Variants in DGKH observed in about 807,000 individuals in gnomAD.
DGKH encodes diacylglycerol kinase eta, also known as DAG kinase eta.
In DGKH, 90 loss-of-function variants were observed where a neutral mutation model predicts 159.3. That is an observed-to-expected ratio of 0.57 (90% confidence interval 0.48 to 0.67). The LOEUF is 0.67. Ranked by LOEUF, DGKH falls within the 30% of genes least tolerant of loss-of-function variation. The pLI is 0.00. For missense variants in DGKH, 1,181 were observed against 1,506.1 expected (o/e 0.78, Z 3.57); for synonymous variants, 536 against 553.8 (o/e 0.97, Z 0.45).
At chr13:42,134,174 A>G (rs573805022) in intron 3 of DGKH, among the ~76,000 whole-genome samples, 1 of 152,328 alleles carries the variant, frequency 6.6e-6, no homozygotes, top group East Asian at 1.9e-4. Context: ...GGTTCTAGAG[A>G]TCAGGGCAGT....
intron 1 of DGKH, among the ~76,000 whole-genome samples, chr13:42,090,778 T>C (rs138498419): frequency 7.8e-4 from 118 of 152,190 alleles, no homozygotes; most frequent in African/African-American, 2.7e-3. Flanking sequence ...AAATTGCCAG[T>C]GTGAAGGTAT....
At chr13:42,104,603 T>C (rs1030736627) in intron 1 of DGKH, among the ~76,000 whole-genome samples, 4 of 152,220 alleles carry the variant, frequency 2.6e-5, no homozygotes, top group African/African-American at 7.2e-5. Context: ...GCTCATGTCC[T>C]GTTGGCCTAA....
chr13:42,109,667 T>C (rs9315888), intron 1 of DGKH, among the ~76,000 whole-genome samples: 3 of 148,298 alleles, frequency 2.0e-5, no homozygotes, highest in African/African-American at 5.1e-5. Context: ...CGTGCGTGTG[T>C]GTGCGTGTGT....
chr13:42,168,350 C>A, intron 9 of DGKH, 90 bp from the exon 10 acceptor site: 1 of 1,091,318 alleles, frequency 9.2e-7, no homozygotes, highest in South Asian at 1.7e-5. Context: ...TATATTTAAT[C>A]TGAATATGAA....
chr13:42,167,725 C>T (rs1037827058), intron 9 of DGKH, among the ~76,000 whole-genome samples: 1 of 152,150 alleles, frequency 6.6e-6, no homozygotes, highest in Non-Finnish European at 1.5e-5. Context: ...AGTTTTGTCC[C>T]CCTTTCTAAC....
At chr13:42,141,687 A>G (rs1402303763) in intron 3 of DGKH, among the ~76,000 whole-genome samples, 1 of 152,088 alleles carries the variant, frequency 6.6e-6, no homozygotes, top group Non-Finnish European at 1.5e-5. Context: ...TTTTGGCTGT[A>G]TAAATGTCTT....
At chr13:42,159,458 A>G (rs1566142705) in intron 6 of DGKH, 86 bp downstream of exon 6, 1 of 931,718 alleles carries the variant, frequency 1.1e-6, no homozygotes, top group Non-Finnish European at 1.7e-6. Flanking sequence ...GATAAGTAGG[A>G]ATGCTTATTA....
At chr13:42,228,104 T>G (rs1012919989) in intron 29 of DGKH, among the ~76,000 whole-genome samples, 12 of 152,184 alleles carry the variant, frequency 7.9e-5, no homozygotes, top group African/African-American at 2.7e-4. Flanking sequence ...TTTTAGTTTT[T>G]CAGACAGTGA....
chr13:42,044,299 TTTC>T (rs142607644), upstream of DGKH: 27,046 of 151,528 alleles, frequency 0.18, 2,534 homozygotes, highest in East Asian at 0.31. Flanking sequence ...TTTTTTTCTT[TTTC>T]TTCTTCTTTT....
intron 3 of DGKH, among the ~76,000 whole-genome samples, chr13:42,131,407 C>CAG (rs1955287593): frequency 6.6e-6 from 1 of 152,166 alleles, no homozygotes; most frequent in Non-Finnish European, 1.5e-5. Context: ...GTGTAGGAAT[C>CAG]AGAGCGCAGG....
intron 1 of DGKH, among the ~76,000 whole-genome samples, chr13:42,043,540 C>T (rs183522162): frequency 1.3e-5 from 2 of 151,974 alleles, no homozygotes; most frequent in Admixed American, 6.6e-5. Context: ...GGGATCTGCC[C>T]AGGCTGGTCT....
In DGKH at chr13:42,168,494, T is replaced by C. The variant is rs921091612; in HGVS notation, c.1173T>C (p.Asp391=). ...TCCGGATTCTTGTTTGTGGAGGCGA[T>C]GGAAGTGTAGGTTGGGTTTTGTCAG... is the stretch of plus-strand genomic sequence containing the variant. ...DNFRILVCGG[D]GSVGWVLSEI... The change falls in exon 10 of 30, where the codon GAT becomes GAC. Residue 391 remains aspartate, a synonymous_variant. Transcript: ENST00000337343. 2.5e-6 allele frequency: 4 copies of C among 1,614,210 alleles called. No individual in the cohort carries two copies. Among genetic ancestry groups the C allele is most frequent in the Non-Finnish European group, 3.4e-6 (4 of 1,180,018 alleles).
chr13:42,255,665 T>C (rs113848763), intron 30 of DGKH, among the ~76,000 whole-genome samples: 5 of 152,270 alleles, frequency 3.3e-5, no homozygotes, highest in South Asian at 2.1e-4. Flanking sequence ...GATGCTCATA[T>C]GAAAAAAGAA....
chr13:42,162,169 T>C (rs946708302), intron 7 of DGKH, among the ~76,000 whole-genome samples: 3 of 152,228 alleles, frequency 2.0e-5, no homozygotes, highest in Non-Finnish European at 4.4e-5. Flanking sequence ...AGTCTTGCAC[T>C]TCCTATACAC....
At chr13:42,090,318 C>G (rs1246459305) in intron 1 of DGKH, among the ~76,000 whole-genome samples, 5 of 152,158 alleles carry the variant, frequency 3.3e-5, no homozygotes, top group Admixed American at 2.6e-4. Context: ...GTTAAAATTT[C>G]AGTACTCTCC....
At chr13:42,060,716 C>T (rs901171129) in intron 1 of DGKH, among the ~76,000 whole-genome samples, 1 of 152,214 alleles carries the variant, frequency 6.6e-6, no homozygotes, top group Non-Finnish European at 1.5e-5. Flanking sequence ...AAGGACCTCA[C>T]TCATAGTCAG....
chr13:42,103,796 A>AG (rs1954695586), intron 1 of DGKH, among the ~76,000 whole-genome samples: 1 of 152,128 alleles, frequency 6.6e-6, no homozygotes, highest in African/African-American at 2.4e-5. Flanking sequence ...TGACTTGGAG[A>AG]GAAGGAGTGG....
chr13:42,098,113 C>T (rs974326535), intron 1 of DGKH, among the ~76,000 whole-genome samples: 7 of 152,130 alleles, frequency 4.6e-5, no homozygotes, highest in Non-Finnish European at 1.0e-4. Context: ...AGCTAAAAGC[C>T]TACACTCATT....
Position 42,233,460 on chromosome 13 carries a change from C to T in DGKH, c.*4272C>T, listed in dbSNP as rs1039767560. On this transcript the variant is annotated 3_prime_UTR_variant, in exon 30 of 30. Coordinates refer to ENST00000337343, the MANE Select transcript of DGKH (RefSeq NM_178009.5). ...CCTTAGCTATTAGGGATGTGAGGTCCGAGGGCTTCAAAAGGTCCCCGGAAT... is the reference window on the plus strand; with the variant it reads ...CCTTAGCTATTAGGGATGTGAGGTCTGAGGGCTTCAAAAGGTCCCCGGAAT... The T allele has an allele frequency of 2.0e-5, 3 of 152,334 alleles. No individual in the cohort carries two copies. Among genetic ancestry groups the T allele is most frequent in the South Asian group, 2.1e-4 (1 of 4,822 alleles). 9.4% of individuals were successfully genotyped at this position (152,334 alleles called of 1,614,324 possible).
Sources: gnomAD v4.1 joint callset for allele counts (sites outside exome capture counted in the v4.1 genomes callset) on GRCh38, gnomAD v4.1.1 for gene constraint, MANE v1.5 for transcripts, NCBI Gene and HGNC (gene_info 2026-07-23, HGNC 2026-07-21) for gene names.